Variants in CEP350 observed in about 807,000 individuals in gnomAD.
CEP350 encodes the protein centrosome-associated protein 350.
In CEP350, 126 loss-of-function variants were observed where a neutral mutation model predicts 331.8. The observed-to-expected ratio is 0.38, with a 90% CI of 0.33 to 0.44. The LOEUF is 0.44. Ranked by LOEUF, CEP350 falls within the 20% of genes least tolerant of loss-of-function variation. The probability of loss-of-function intolerance (pLI) is 1.00; values close to 1 mark genes in which losing one functional copy is unlikely to be tolerated. For synonymous variants in CEP350, 1,200 were observed against 1,259.5 expected, an observed-to-expected ratio of 0.95 and a Z score of 1.00; for missense variants, 3,406 against 3,634.6, an observed-to-expected ratio of 0.94 and a Z score of 1.62.
intron 1 of CEP350, among the ~76,000 whole-genome samples, chr1:179,960,202 A>C: frequency 9.9e-6 from 1 of 101,052 alleles, no homozygotes; most frequent in Admixed American, 1.6e-4. Context: ...ACCCACATTC[A>C]CTCAGACTGG....
chr1:180,051,788 CTA>C (rs1657517923), intron 22 of CEP350, among the ~76,000 whole-genome samples: 1 of 152,126 alleles, frequency 6.6e-6, no homozygotes, highest in South Asian at 2.1e-4. Context: ...TGAGTGGAAA[CTA>C]TTAATATAAG....
chr1:180,001,916 T>G (rs1653889800), intron 6 of CEP350, among the ~76,000 whole-genome samples: 1 of 152,254 alleles, frequency 6.6e-6, no homozygotes, highest in South Asian at 2.1e-4. Flanking sequence ...TGAATGTATA[T>G]TGCTTTATCT....
At chr1:179,968,930 G>A (rs1039597282) in intron 1 of CEP350, 11 of 757,596 alleles carry the variant, frequency 1.5e-5, no homozygotes, top group Non-Finnish European at 2.4e-5. Flanking sequence ...GCTGCCACTG[G>A]AGCCACTCCA....
intron 1 of CEP350, among the ~76,000 whole-genome samples, chr1:179,964,465 C>G (rs1304660915): frequency 6.6e-6 from 1 of 151,942 alleles, no homozygotes; most frequent in East Asian, 1.9e-4. Flanking sequence ...ACCAGCTCTT[C>G]TTTGTTTGTC....
At position 180,092,692 on chromosome 1, in the gene CEP350, A is replaced by T. The variant is rs770173451; in HGVS notation, c.6587A>T (p.Asp2196Val). The change falls in exon 34 of 38, where the codon GAC (aspartate) becomes GTC (valine). Residue 2196 changes from aspartate to valine, a missense_variant. Physicochemically the swap from Asp to Val is radical, Grantham distance 152. Transcript: ENST00000367607. The part of the protein sequence containing the change: ...SAYAKRVNEW[D>V]SRTEDFQTPS... ...TATGCAAAGAGAGTAAATGAATGGGACAGTCGAACAGAAGATTTTCAGACC... is the reference window on the plus strand; with the variant it reads ...TATGCAAAGAGAGTAAATGAATGGGTCAGTCGAACAGAAGATTTTCAGACC... 3.3e-5 allele frequency: 53 copies of T among 1,612,822 alleles called. 1 individual carries two copies. Among genetic ancestry groups the T allele is most frequent in the Non-Finnish European group, 2.0e-5 (23 of 1,179,356 alleles).
At chr1:180,102,657 T>C (rs186536281) in intron 37 of CEP350, among the ~76,000 whole-genome samples, 14 of 152,326 alleles carry the variant, frequency 9.2e-5, no homozygotes, top group African/African-American at 2.9e-4. Flanking sequence ...TCTGCATCCT[T>C]TTCCTTCATT....
chr1:180,038,196 GA>G (rs1656499226), intron 17 of CEP350, among the ~76,000 whole-genome samples: 1 of 152,072 alleles, frequency 6.6e-6, no homozygotes, highest in African/African-American at 2.4e-5. Flanking sequence ...ACCAATTTAA[GA>G]TTTATCCATG....
At chr1:179,997,977 G>C (rs1422747230) in intron 6 of CEP350, among the ~76,000 whole-genome samples, 2 of 149,276 alleles carry the variant, frequency 1.3e-5, no homozygotes, top group East Asian at 3.9e-4. Flanking sequence ...TGCCAACATT[G>C]GTAGATTTTC....
intron 4 of CEP350, among the ~76,000 whole-genome samples, chr1:179,991,219 G>A (rs1382014619): frequency 6.6e-6 from 1 of 151,184 alleles, no homozygotes; most frequent in Non-Finnish European, 1.5e-5. Flanking sequence ...AATCATAAAT[G>A]GAATCTCTTT....
chr1:179,979,935 G>A (rs1652154121), intron 1 of CEP350, among the ~76,000 whole-genome samples: 1 of 152,080 alleles, frequency 6.6e-6, no homozygotes, highest in African/African-American at 2.4e-5. Context: ...GGTTACTGTA[G>A]CTTTGTAGTA....
rs779793351 is a variant in CEP350 at position 180,075,057 on chromosome 1, G to A, written c.5603G>A (p.Arg1868Gln). Residue 1868 changes from arginine to glutamine, a missense_variant, in exon 28 of 38, where the codon CGG becomes CAG. Coordinates refer to ENST00000367607, the MANE Select transcript of CEP350 (RefSeq NM_014810.5). Reference protein sequence around the residue: ...LTKREQKLMQRRQHAEELLEW... With the variant: ...LTKREQKLMQQRQHAEELLEW... ...AAGCGGGAGCAAAAATTAATGCAAC[G>A]GCGACAACATGCAGAGGAGCTCCTA... 8 of 1,612,446 alleles carry A rather than the reference G, an allele frequency of 5.0e-6. No individual in the cohort carries two copies. The highest frequency in any genetic ancestry group is 2.2e-5 in the South Asian group (2 of 90,772).
At chr1:180,088,785 CAT>C (rs1249649860) in intron 32 of CEP350, among the ~76,000 whole-genome samples, 2 of 152,058 alleles carry the variant, frequency 1.3e-5, no homozygotes, top group Non-Finnish European at 2.9e-5. Context: ...GGTTAATACA[CAT>C]GTTATGAGGG....
Position 179,966,694 on chromosome 1 carries a change from G to A in CEP350, c.-14+11552G>A, listed in dbSNP as rs559874682. On this transcript the variant is annotated intron_variant, in intron 1 of 37. Coordinates refer to ENST00000367607, the MANE Select transcript of CEP350 (RefSeq NM_014810.5). ...TGTCTAAACCAGCCAGACATATGAG[G>A]CCTCTAACTAGATCCAAGACAGTTA... Among the ~76,000 whole-genome samples the A allele has an allele frequency of 2.0e-5, 3 of 152,212 alleles. No homozygotes were observed. The East Asian group carries it at 5.8e-4, about 29-fold the overall frequency.
At chr1:179,992,869 A>G (rs1653194055) in intron 5 of CEP350, among the ~76,000 whole-genome samples, 1 of 152,210 alleles carries the variant, frequency 6.6e-6, no homozygotes, top group Non-Finnish European at 1.5e-5. Flanking sequence ...CTCTTATAAT[A>G]AGTAATAAAC....
chr1:180,031,275 A>G (rs749083547), intron 14 of CEP350, 45 bp from the exon 15 acceptor site: 2 of 1,143,054 alleles, frequency 1.7e-6, no homozygotes, highest in Non-Finnish European at 2.6e-6. Flanking sequence ...TCTCTCAATA[A>G]CTTCTAATAT....
chr1:180,042,967 A>G, intron 19 of CEP350, 89 bp from the exon 20 acceptor site: 1 of 1,420,880 alleles, frequency 7.0e-7, no homozygotes, highest in East Asian at 2.4e-5. Context: ...CAAGTCAGTG[A>G]TCTTTCTTTC....
chr1:179,955,128 A>G lies in CEP350; in HGVS notation c.-28A>G. On this transcript the variant is annotated 5_prime_UTR_variant, in exon 1 of 38. Transcript: ENST00000367607. ...GATGCACCGTGGTAGCCGAGGGCGG[A>G]GGCGACACTCTCAGGTGAGCTCCTG... is the stretch of plus-strand genomic sequence containing the variant. 2 of 1,469,946 alleles carry G rather than the reference A, an allele frequency of 1.4e-6. No homozygotes were observed. The highest frequency in any genetic ancestry group is 2.2e-5 in the Admixed American group (1 of 45,580). 91.1% of individuals were successfully genotyped at this position (1,469,946 alleles called of 1,614,324 possible).
chr1:180,090,755 A>T lies in CEP350; in HGVS notation c.6467A>T (p.Glu2156Val). ...AATTGGAAATCACTAACAGAGTCAG[A>T]ACGTTCCAGAGGATCCCTGGAGTCT... is the stretch of plus-strand genomic sequence containing the variant. ...AKNWKSLTES[E>V]RSRGSLESIA... The change falls in exon 33 of 38, where the codon GAA (glutamate) becomes GTA (valine). Residue 2156 changes from glutamate to valine, a missense_variant. This residue lies in a region of CEP350 where 1,415 missense variants were observed against 1,512.3 expected (regional missense o/e 0.94). Transcript: ENST00000367607. The T allele has an allele frequency of 6.4e-7, 1 of 1,553,286 alleles. No homozygotes were observed. The highest frequency in any genetic ancestry group is 8.7e-7 in the Non-Finnish European group (1 of 1,147,496).
intron 25 of CEP350, among the ~76,000 whole-genome samples, chr1:180,058,823 G>C (rs1449720313): frequency 6.6e-6 from 1 of 152,094 alleles, no homozygotes; most frequent in African/African-American, 2.4e-5. Flanking sequence ...TATGTGCTAA[G>C]ATATTTCTTG....
Sources: gnomAD v4.1 joint callset for allele counts (sites outside exome capture counted in the v4.1 genomes callset) on GRCh38, gnomAD v4.1.1 for gene constraint, gnomAD v4.1.1 regional missense constraint, MANE v1.5 for transcripts, NCBI Gene and HGNC (gene_info 2026-07-23, HGNC 2026-07-21) for gene names.